Variants in PPP1R9A observed in about 807,000 individuals in gnomAD.
The protein encoded by PPP1R9A is protein phosphatase 1 regulatory subunit 9A.
PPP1R9A carries 59 observed loss-of-function variants against 141.9 expected under a neutral mutation model. That is an observed-to-expected ratio of 0.42 (90% CI 0.34 to 0.52). The LOEUF is 0.52. Among genes scored for constraint, PPP1R9A ranks in the 20% least tolerant of loss-of-function variants. PPP1R9A has a pLI of 0.10. For missense variants in PPP1R9A, 1,444 were observed against 1,611.9 expected (o/e 0.90, Z 1.78); for synonymous variants, 500 against 569.7 (o/e 0.88, Z 1.74).
At chr7:95,120,358 T>A (rs1450642562) in intron 3 of PPP1R9A, among the ~76,000 whole-genome samples, 1 of 152,244 alleles carries the variant, frequency 6.6e-6, no homozygotes, top group Non-Finnish European at 1.5e-5. Flanking sequence ...TATTTAAAAT[T>A]ATATGTTTGA....
intron 7 of PPP1R9A, among the ~76,000 whole-genome samples, chr7:95,220,514 C>T (rs1211181694): frequency 1.3e-5 from 2 of 152,092 alleles, no homozygotes; most frequent in South Asian, 4.1e-4. Flanking sequence ...CCAGCTGCAG[C>T]TGTGTTTCAC....
Position 94,964,277 on chromosome 7 carries a change from A to G in PPP1R9A, c.1395+52769A>G, listed in dbSNP as rs185061663. Among the ~76,000 whole-genome samples the G allele has an allele frequency of 2.6e-5, 4 of 152,264 alleles. No individual in the cohort carries two copies. In the East Asian group the frequency reaches 5.8e-4, roughly 22 times the overall value. ...TTCATGTGGAAATTTTTGCAGGGAC[A>G]TAGGCTTTCTTTTTTTTAGATAATT... On this transcript the variant is annotated intron_variant, in intron 2 of 19. Coordinates refer to ENST00000433360, the MANE Select transcript of PPP1R9A (RefSeq NM_001166160.2).
chr7:95,071,722 A>G (rs1171876333), intron 2 of PPP1R9A, among the ~76,000 whole-genome samples: 1 of 151,992 alleles, frequency 6.6e-6, no homozygotes, highest in East Asian at 1.9e-4. Context: ...TGTATTATTT[A>G]ATGTTACATT....
intron 2 of PPP1R9A, among the ~76,000 whole-genome samples, chr7:94,949,534 C>G (rs184290243): frequency 4.3e-4 from 65 of 152,130 alleles, no homozygotes; most frequent in Middle Eastern, 3.4e-3. Flanking sequence ...ATGGGATTTA[C>G]CCAAAATAGA....
intron 2 of PPP1R9A, among the ~76,000 whole-genome samples, chr7:94,995,024 A>G (rs1801995381): frequency 6.6e-6 from 1 of 152,184 alleles, no homozygotes; most frequent in East Asian, 1.9e-4. Flanking sequence ...GCAGTTTGCT[A>G]ATGTAGTGAT....
chr7:95,291,265 G>A lies in PPP1R9A; in HGVS notation c.*962G>A, dbSNP rs1008905690. ...GAACATTCTGGCTGGTCTTCAGCCT[G>A]CCTATGTCACAATCAGGAACTCATC... On this transcript the variant is annotated 3_prime_UTR_variant, in exon 20 of 20. Transcript: ENST00000433360. 1 of 152,154 alleles carries A rather than the reference G, an allele frequency of 6.6e-6. No homozygotes were observed. The highest frequency in any genetic ancestry group is 2.4e-5 in the African/African-American group (1 of 41,448). 9.4% of individuals were successfully genotyped at this position (152,154 alleles called of 1,614,324 possible). A position where few individuals can be genotyped will look rare whatever the true frequency, so the allele number is the denominator to read the frequency against.
At chr7:95,129,271 T>A (rs1324057904) in intron 4 of PPP1R9A, among the ~76,000 whole-genome samples, 3 of 151,996 alleles carry the variant, frequency 2.0e-5, no homozygotes, top group Admixed American at 6.6e-5. Flanking sequence ...ATTTTGGGGG[T>A]GGAGGCATTC....
At chr7:95,257,140 A>T (rs1290770232) in intron 12 of PPP1R9A, among the ~76,000 whole-genome samples, 1 of 152,190 alleles carries the variant, frequency 6.6e-6, no homozygotes, top group African/African-American at 2.4e-5. Context: ...GAATAGGGCC[A>T]GGTTCTCCTG....
At chr7:95,051,102 A>G (rs923512849) in intron 2 of PPP1R9A, among the ~76,000 whole-genome samples, 1 of 151,326 alleles carries the variant, frequency 6.6e-6, no homozygotes, top group African/African-American at 2.4e-5. Flanking sequence ...ACATTTTTAC[A>G]TTTAAGTCTG....
chr7:95,048,128 G>A (rs1302997780), intron 2 of PPP1R9A, among the ~76,000 whole-genome samples: 1 of 152,104 alleles, frequency 6.6e-6, no homozygotes, highest in Non-Finnish European at 1.5e-5. Context: ...ATAAAGTCCA[G>A]CATAAAACTG....
At position 95,273,990 on chromosome 7, in the gene PPP1R9A, A is replaced by G; in HGVS notation, c.3212+4A>G. On this transcript the variant is annotated splice_donor_region_variant and intron_variant, in intron 15 of 19. Coordinates refer to ENST00000433360, the MANE Select transcript of PPP1R9A (RefSeq NM_001166160.2). ...AGCGGAAGTTTGTGGATCTGGGGTA[A>G]GCACTTCACGATGTAAAAAGAAAGC... 1 of 1,503,536 alleles carries G rather than the reference A, an allele frequency of 6.7e-7. No individual in the cohort carries two copies. The highest frequency in any genetic ancestry group is 9.1e-7 in the Non-Finnish European group (1 of 1,094,596). 93.1% of individuals were successfully genotyped at this position (1,503,536 alleles called of 1,614,324 possible).
chr7:95,151,244 G>T (rs1459308371), intron 4 of PPP1R9A, among the ~76,000 whole-genome samples: 1 of 152,198 alleles, frequency 6.6e-6, no homozygotes, highest in Non-Finnish European at 1.5e-5. Context: ...CCTACACTGG[G>T]TGAATGTAAA....
At chr7:95,105,691 AT>A (rs34236516) in intron 2 of PPP1R9A, among the ~76,000 whole-genome samples, 1 of 152,166 alleles carries the variant, frequency 6.6e-6, no homozygotes, top group African/African-American at 2.4e-5. Flanking sequence ...TTAATTATCC[AT>A]TTTTTTGTAG....
chr7:95,046,761 AC>A (rs1209613136), intron 2 of PPP1R9A, among the ~76,000 whole-genome samples: 2 of 152,300 alleles, frequency 1.3e-5, no homozygotes, highest in East Asian at 3.9e-4. Flanking sequence ...TTGTTTCTAA[AC>A]AATGCGTTAT....
intron 2 of PPP1R9A, among the ~76,000 whole-genome samples, chr7:95,101,198 G>A (rs1399418972): frequency 6.6e-6 from 1 of 152,138 alleles, no homozygotes. Context: ...AAAATGAGGT[G>A]AAACGTTCTT....
At chr7:95,133,299 C>G (rs1028824412) in intron 4 of PPP1R9A, among the ~76,000 whole-genome samples, 1 of 151,984 alleles carries the variant, frequency 6.6e-6, no homozygotes, top group African/African-American at 2.4e-5. Context: ...TTTAAACTGT[C>G]TTTGGCTTGT....
At chr7:95,043,260 T>C in intron 2 of PPP1R9A, among the ~76,000 whole-genome samples, 1 of 152,198 alleles carries the variant, frequency 6.6e-6, no homozygotes. Context: ...CTCAGTAGGA[T>C]AATATAAGCA....
intron 9 of PPP1R9A, among the ~76,000 whole-genome samples, chr7:95,248,382 A>G (rs1798435819): frequency 6.7e-6 from 1 of 149,470 alleles, no homozygotes; most frequent in Admixed American, 6.8e-5. Flanking sequence ...TAGCAAGGCT[A>G]TTTTGGTTAA....
At chr7:95,208,968 A>AAAAAAAAAAAAAAAAAAAAC (rs1791486237) in intron 7 of PPP1R9A, among the ~76,000 whole-genome samples, 1 of 148,468 alleles carries the variant, frequency 6.7e-6, no homozygotes, top group Admixed American at 6.8e-5. Flanking sequence ...AAAAAAAAAA[A>AAAAAAAAAAAAAAAAAAAAC]AAAAAAAAAA....
Sources: allele counts gnomAD v4.1 joint callset (sites outside exome capture counted in the v4.1 genomes callset), GRCh38; gene constraint gnomAD v4.1.1; transcripts MANE v1.5; gene names NCBI Gene and HGNC (gene_info 2026-07-23, HGNC 2026-07-21).